The following TRAPPC9 variants were observed in gnomAD, a reference collection of about 807,000 sequenced individuals.
TRAPPC9 encodes IKK2 binding protein.
In TRAPPC9, 83 loss-of-function variants were observed where a neutral mutation model predicts 124.0. That is an observed-to-expected ratio of 0.67 (90% CI 0.56 to 0.80). TRAPPC9 has a LOEUF of 0.80. Among genes scored for constraint, TRAPPC9 ranks in the 30% least tolerant of loss-of-function variants. The pLI, the probability that TRAPPC9 is intolerant of heterozygous loss-of-function variation, is 0.00. For missense variants in TRAPPC9, 1,302 were observed against 1,508.3 expected, an observed-to-expected ratio of 0.86 and a Z score of 2.27; for synonymous variants, 638 against 617.5, an observed-to-expected ratio of 1.03 and a Z score of -0.49.
chr8:140,456,945 G>GTCTTCTC, intron 1 of TRAPPC9: 1 of 460,846 alleles, frequency 2.2e-6, no homozygotes. Context: ...GATTGGGGTG[G>GTCTTCTC]GCTGACAGGG....
intron 2 of TRAPPC9, among the ~76,000 whole-genome samples, chr8:140,440,503 A>C (rs962103096): frequency 6.8e-6 from 1 of 148,148 alleles, no homozygotes; most frequent in African/African-American, 2.5e-5. Flanking sequence ...TGAGACTCCC[A>C]AAAAAAAAAG....
At chr8:139,856,597 G>C (rs1480567633) in intron 21 of TRAPPC9, among the ~76,000 whole-genome samples, 1 of 152,150 alleles carries the variant, frequency 6.6e-6, no homozygotes, top group Non-Finnish European at 1.5e-5. Flanking sequence ...CAGCGGCGGG[G>C]GGTGGCGTGC....
intron 7 of TRAPPC9, among the ~76,000 whole-genome samples, chr8:140,380,443 C>T (rs2068569347): frequency 1.3e-5 from 2 of 151,894 alleles, no homozygotes; most frequent in Non-Finnish European, 1.5e-5. Context: ...CGCCTGAGGT[C>T]AGGAGTTCAA....
chr8:140,229,191 C>A (rs2063524560), intron 16 of TRAPPC9, among the ~76,000 whole-genome samples: 1 of 149,248 alleles, frequency 6.7e-6, no homozygotes, highest in Non-Finnish European at 1.5e-5. Context: ...ACACAGAAAG[C>A]AGTAGGCAAG....
intron 17 of TRAPPC9, chr8:140,100,320 G>A (rs1219479733): frequency 6.6e-6 from 1 of 152,426 alleles, no homozygotes; most frequent in African/African-American, 2.4e-5. Context: ...TGCCCACCAA[G>A]GTCCTCCGCA....
intron 7 of TRAPPC9, among the ~76,000 whole-genome samples, chr8:140,377,811 T>C (rs1278073238): frequency 2.0e-5 from 3 of 152,258 alleles, no homozygotes; most frequent in African/African-American, 7.2e-5. Context: ...TGTTGTCAGA[T>C]TAGATGGACA....
At position 139,732,020 on chromosome 8, in the gene TRAPPC9, T is replaced by C. The variant is rs1817858764; in HGVS notation, c.3238A>G (p.Thr1080Ala). The change falls in exon 22 of 23, where the codon ACC (threonine) becomes GCC (alanine). Residue 1080 changes from threonine to alanine, a missense_variant. Thr to Ala is a moderately conservative substitution (Grantham distance 58). This residue lies in a region of TRAPPC9 where 640 missense variants were observed against 679.3 expected (regional missense o/e 0.94). Transcript: ENST00000438773. ...GTGCTGGAGCCCACGAAGGAGACGG[T>C]GTCGTGCAGGTCGTAGTTGTGCACG... The part of the protein sequence containing the change: ...NGVHNYDLHD[T>A]VSFVGSSTFY... 1.2e-6 allele frequency: 2 copies of C among 1,600,468 alleles called. No homozygotes were observed. Among genetic ancestry groups the C allele is most frequent in the Non-Finnish European group, 1.7e-6 (2 of 1,173,512 alleles).
Position 140,281,248 on chromosome 8 carries a change from C to T in TRAPPC9, c.2114+2641G>A, listed in dbSNP as rs369663437. On this transcript the variant is annotated intron_variant, in intron 14 of 22. Transcript: ENST00000438773. ...CAAAAGGGATGTCCCATCAGCATCC[C>T]CATCGGCCTCGCACGAGGCGTCCAG... Among the ~76,000 whole-genome samples, 83 of 152,312 alleles carry T rather than the reference C, an allele frequency of 5.4e-4. 1 individual carries two copies. The South Asian group carries it at 0.017, about 31-fold the overall frequency.
At chr8:139,795,654 C>T (rs1823002759) in intron 21 of TRAPPC9, among the ~76,000 whole-genome samples, 1 of 152,092 alleles carries the variant, frequency 6.6e-6, no homozygotes, top group Admixed American at 6.6e-5. Flanking sequence ...GCATCCTTTT[C>T]AATTATCTGA....
chr8:139,731,689 T>G (rs1173936098), intron 22 of TRAPPC9, among the ~76,000 whole-genome samples: 5 of 151,740 alleles, frequency 3.3e-5, no homozygotes, highest in Admixed American at 3.3e-4. Flanking sequence ...CACAGCAGGG[T>G]CCAATCATGG....
intron 9 of TRAPPC9, among the ~76,000 whole-genome samples, chr8:140,311,603 T>C (rs1031219305): frequency 6.6e-6 from 1 of 152,188 alleles, no homozygotes; most frequent in Non-Finnish European, 1.5e-5. Flanking sequence ...GGAAATTAAG[T>C]TAGTATCCTC....
intron 4 of TRAPPC9, 88 bp from the exon 5 acceptor site, chr8:140,426,729 T>C (rs535060846): frequency 1.2e-5 from 15 of 1,272,138 alleles, no homozygotes; most frequent in Admixed American, 6.9e-5. Context: ...ATAATTCACA[T>C]AGCCTAGAGA....
chr8:140,098,480 C>T (rs1291074295), intron 17 of TRAPPC9: 1 of 152,226 alleles, frequency 6.6e-6, no homozygotes, highest in African/African-American at 2.4e-5. Context: ...CCAGGGTTCT[C>T]CGCTGCCATC....
rs546641035 is a variant in TRAPPC9, at chr8:139,799,435, G to C, written c.3056-67233C>G. On this transcript the variant is annotated intron_variant, in intron 21 of 22. Transcript: ENST00000438773. The stretch of plus-strand genomic sequence containing the variant: ...ACCACACTGCTTCTTGTGCAGATGA[G>C]GATAACCCTGTAGACACATGGCATC... Among the ~76,000 whole-genome samples the C allele has an allele frequency of 2.0e-5, 3 of 152,264 alleles. No individual in the cohort carries two copies. In the South Asian group the frequency reaches 6.2e-4, roughly 32 times the overall value.
intron 17 of TRAPPC9, among the ~76,000 whole-genome samples, chr8:140,111,265 G>A (rs1033821995): frequency 3.9e-5 from 6 of 152,028 alleles, no homozygotes; most frequent in African/African-American, 1.5e-4. Flanking sequence ...ATTCCCTGAG[G>A]CTCAGGTGAG....
At chr8:139,773,371 A>G (rs915761829) in intron 21 of TRAPPC9, among the ~76,000 whole-genome samples, 3 of 152,230 alleles carry the variant, frequency 2.0e-5, no homozygotes, top group Admixed American at 6.5e-5. Flanking sequence ...CCCCGGCTAC[A>G]TTCCTGGAGT....
At position 140,241,184 on chromosome 8, in the gene TRAPPC9, A is replaced by C. The variant is rs1011491772; in HGVS notation, c.2431+11593T>G. Reference sequence around the variant, plus strand: ...GAGGCCGAGGCAGGCAGATCACCTGAGGTCAGGAGTTTGAGACCAGCCTGT... The same window carrying C: ...GAGGCCGAGGCAGGCAGATCACCTGCGGTCAGGAGTTTGAGACCAGCCTGT... On this transcript the variant is annotated intron_variant, in intron 16 of 22. Transcript: ENST00000438773. The surrounding 1 kb of genome is among the most constrained non-coding windows in gnomAD (Gnocchi z 5.0). 1.3e-5 allele frequency among the ~76,000 whole-genome samples: 2 copies of C among 152,198 alleles called. No individual in the cohort carries two copies. The highest frequency in any genetic ancestry group is 1.3e-4 in the Admixed American group (2 of 15,282).
chr8:139,886,707 A>G (rs965318695), intron 20 of TRAPPC9, among the ~76,000 whole-genome samples: 1 of 152,198 alleles, frequency 6.6e-6, no homozygotes, highest in African/African-American at 2.4e-5. Flanking sequence ...TCTTCCTTTC[A>G]TAAATTAATT....
chr8:139,892,239 C>T (rs1203985680), intron 20 of TRAPPC9, among the ~76,000 whole-genome samples: 1 of 152,194 alleles, frequency 6.6e-6, no homozygotes. Context: ...GCATGGAGCC[C>T]TCTCTCCCCA....
Sources: allele counts gnomAD v4.1 joint callset (sites outside exome capture counted in the v4.1 genomes callset), GRCh38; gene constraint gnomAD v4.1.1; regional missense constraint gnomAD v4.1.1; non-coding constraint Gnocchi (gnomAD v3.1); transcripts MANE v1.5; gene names NCBI Gene and HGNC (gene_info 2026-07-23, HGNC 2026-07-21).